LRRC9: variants seen among roughly 807,000 people sequenced by gnomAD.
LRRC9 encodes leucine rich repeat containing 9.
In LRRC9, 122 loss-of-function variants were observed where a neutral mutation model predicts 63.2. The observed-to-expected ratio is 1.93, with a 90% CI of 1.67 to 2.24. The LOEUF (loss-of-function observed/expected upper bound fraction) is 2.24, where lower values mean the gene tolerates loss of function less well. Ranked by LOEUF, LRRC9 falls within the 30% of genes most tolerant of loss-of-function variation. The pLI is 0.00. For synonymous variants in LRRC9, 366 were observed against 213.1 expected (o/e 1.72, Z -6.25); for missense variants, 1,071 against 627.7 (o/e 1.71, Z -7.55).
chr14:60,028,451 A>C (rs1283137914), intron 28 of LRRC9, among the ~76,000 whole-genome samples: 2 of 151,894 alleles, frequency 1.3e-5, no homozygotes, highest in Non-Finnish European at 2.9e-5. Context: ...GGCCCCTTAA[A>C]CTTGTCATAT....
rs1403745126 is a variant in LRRC9, at chr14:59,958,973, G to C, written c.883-845G>C. Among the ~76,000 whole-genome samples, 1 of 152,192 alleles carries C rather than the reference G, an allele frequency of 6.6e-6. No individual in the cohort carries two copies. The highest frequency in any genetic ancestry group is 2.4e-5 in the African/African-American group (1 of 41,438). The stretch of plus-strand genomic sequence containing the variant: ...AACCAGTCTCACTGAGATGAACAGG[G>C]TACCTCAGTTGGAAATGCAGTAATC... On this transcript the variant is annotated intron_variant, in intron 8 of 31. Transcript: ENST00000445360. This position sits in a 1 kb window ranked among gnomAD's most constrained non-coding sequence, Gnocchi z 4.0.
Position 60,003,866 on chromosome 14 carries a change from C to G in LRRC9, c.2842+68C>G, listed in dbSNP as rs905560437. The G allele has an allele frequency of 1.3e-5, 7 of 532,400 alleles. No individual in the cohort carries two copies. In the African/African-American group the frequency reaches 1.4e-4, roughly 10 times the overall value. The allele number at this position is 532,400 out of a possible 1,614,324, so 33.0% of individuals were successfully genotyped here. ...CTAAACAACAAAGCAAAAAATAACC[C>G]TGGGAACAGAGTTTCTGAAGAGGAA... On this transcript the variant is annotated intron_variant, in intron 21 of 31. Transcript: ENST00000445360. The surrounding 1 kb of genome is among the most constrained non-coding windows in gnomAD (Gnocchi z 4.2).
At position 59,962,124 on chromosome 14, in the gene LRRC9, A is replaced by G. The variant is rs1884411257; in HGVS notation, c.1211+1079A>G. Among the ~76,000 whole-genome samples, 1 of 152,174 alleles carries G rather than the reference A, an allele frequency of 6.6e-6. No homozygotes were observed. Among genetic ancestry groups the G allele is most frequent in the Non-Finnish European group, 1.5e-5 (1 of 68,016 alleles). On this transcript the variant is annotated intron_variant, in intron 10 of 31. Coordinates refer to ENST00000445360, the Ensembl canonical transcript of LRRC9. This position sits in a 1 kb window ranked among gnomAD's most constrained non-coding sequence, Gnocchi z 5.1. Reference sequence around the variant, plus strand: ...GGCTTTTTTCTCACCTCTGTGAGTAAAAGCTTCTCAAAGGTCTTGGGAGAA... The same window carrying G: ...GGCTTTTTTCTCACCTCTGTGAGTAGAAGCTTCTCAAAGGTCTTGGGAGAA...
chr14:59,965,984 T>G (rs1884820496), intron 10 of LRRC9, among the ~76,000 whole-genome samples: 2 of 139,444 alleles, frequency 1.4e-5, no homozygotes, highest in Non-Finnish European at 3.0e-5. Flanking sequence ...ATCAGTTAAA[T>G]GGTGGTGCCA....
chr14:59,924,970 A>G (rs894429745), intron 1 of LRRC9, among the ~76,000 whole-genome samples: 5 of 147,790 alleles, frequency 3.4e-5, no homozygotes, highest in African/African-American at 1.3e-4. Flanking sequence ...CATGGCTCAC[A>G]CTCACACTCC....
chr14:60,045,198 T>C (rs1893311533), intron 29 of LRRC9, among the ~76,000 whole-genome samples: 1 of 152,120 alleles, frequency 6.6e-6, no homozygotes, highest in Admixed American at 6.6e-5. Flanking sequence ...ATGTGTATCT[T>C]TATAGGTGAA....
chr14:60,024,506 G>A (rs1051644740), intron 27 of LRRC9, among the ~76,000 whole-genome samples: 1 of 152,002 alleles, frequency 6.6e-6, no homozygotes, highest in East Asian at 1.9e-4. Flanking sequence ...CATGTGGGGA[G>A]ACATCGAGGT....
rs921849942 is a variant in LRRC9, at chr14:59,938,886, T to C, written c.726+314T>C. Among the ~76,000 whole-genome samples, 4 of 132,762 alleles carry C rather than the reference T, an allele frequency of 3.0e-5. No homozygotes were observed. Among genetic ancestry groups the C allele is most frequent in the Admixed American group, 7.8e-5 (1 of 12,794 alleles). The allele number at this position is 132,762 out of a possible 152,430, so 87.1% of individuals were successfully genotyped here. On this transcript the variant is annotated intron_variant, in intron 7 of 31. Coordinates refer to ENST00000445360, the Ensembl canonical transcript of LRRC9. The surrounding 1 kb of genome is among the most constrained non-coding windows in gnomAD (Gnocchi z 4.2). ...CTAGTGCCATATATATATACACACA[T>C]ATATACACATATATATACATATATA... is the stretch of plus-strand genomic sequence containing the variant.
exon 28 of LRRC9, chr14:60,028,066 C>T (rs984264090): frequency 1.4e-6 from 1 of 701,392 alleles, no homozygotes; most frequent in South Asian, 1.5e-5. Context: ...TTTGGTAAAA[C>T]TAGAGAAACT....
Position 60,042,125 on chromosome 14 carries a change from G to A in LRRC9, c.3990+10062G>A, listed in dbSNP as rs1334171293. On this transcript the variant is annotated intron_variant, in intron 29 of 31. Transcript: ENST00000445360. The surrounding 1 kb of genome is among the most constrained non-coding windows in gnomAD (Gnocchi z 4.2). Reference sequence around the variant, plus strand: ...TTCCTCTGGAACCTTCGTCTCAGAGGGGCACCCAGCTGTATGAGGTGTCAG... The same window carrying A: ...TTCCTCTGGAACCTTCGTCTCAGAGAGGCACCCAGCTGTATGAGGTGTCAG... 6.6e-6 allele frequency among the ~76,000 whole-genome samples: 1 copy of A among 152,144 alleles called. No homozygotes were observed. Among genetic ancestry groups the A allele is most frequent in the Non-Finnish European group, 1.5e-5 (1 of 68,022 alleles).
chr14:59,977,037 C>T (rs2140073323), intron 13 of LRRC9, among the ~76,000 whole-genome samples, 188 bp from the exon 14 acceptor site: 1 of 152,248 alleles, frequency 6.6e-6, no homozygotes, highest in East Asian at 1.9e-4. Context: ...ATGTATTCAA[C>T]AAATATTTGT....
Position 60,033,713 on chromosome 14 carries a change from T to A in LRRC9, c.3990+1650T>A, listed in dbSNP as rs74497038. ...GGAAATAAGTAAAATTATCCTATAA[T>A]TTTATCTTCTTTTAGTATTCTTTTC... is the stretch of plus-strand genomic sequence containing the variant. On this transcript the variant is annotated intron_variant, in intron 29 of 31. Transcript: ENST00000445360. 3.4e-3 allele frequency among the ~76,000 whole-genome samples: 516 copies of A among 152,196 alleles called. 18 individuals are homozygous for A. In the East Asian group the frequency reaches 0.058, roughly 17 times the overall value.
chr14:60,051,668 C>T lies in LRRC9; in HGVS notation c.3991-1397C>T. On this transcript the variant is annotated intron_variant, in intron 29 of 31. Coordinates refer to ENST00000445360, the Ensembl canonical transcript of LRRC9. The surrounding 1 kb of genome is among the most constrained non-coding windows in gnomAD (Gnocchi z 4.7). ...CACTGCTTGGCTCCCTGGATTCAAC[C>T]CCCTTCCTAGGGGAATGTACAGACA... 6.6e-6 allele frequency among the ~76,000 whole-genome samples: 1 copy of T among 152,162 alleles called. No individual in the cohort carries two copies.
chr14:60,001,639 C>T (rs1404392811), intron 19 of LRRC9, among the ~76,000 whole-genome samples: 2 of 152,106 alleles, frequency 1.3e-5, no homozygotes, highest in Non-Finnish European at 2.9e-5. Flanking sequence ...GGCTTAGGAT[C>T]GGGCCCACAG....
At chr14:60,049,755 G>A (rs1285206104) in intron 29 of LRRC9, among the ~76,000 whole-genome samples, 1 of 152,100 alleles carries the variant, frequency 6.6e-6, no homozygotes, top group East Asian at 1.9e-4. Context: ...TTTTTATGGA[G>A]TATCTTACTG....
exon 12 of LRRC9, chr14:59,967,141 T>G (rs1476713487): frequency 4.6e-6 from 3 of 645,518 alleles, no homozygotes; most frequent in Non-Finnish European, 8.7e-6. Flanking sequence ...TTTTTGATCC[T>G]GAAGTTTCAG....
rs1268357991 is a variant in LRRC9 at position 60,051,973 on chromosome 14, T to G, written c.3991-1092T>G. Among the ~76,000 whole-genome samples the G allele has an allele frequency of 6.6e-6, 1 of 152,220 alleles. No homozygotes were observed. The highest frequency in any genetic ancestry group is 1.5e-5 in the Non-Finnish European group (1 of 68,028). ...TCCCATGTGGGCTGTCACCCCACCC[T>G]GCTTTTCTTTGTTCCCCATGGATCC... is the stretch of plus-strand genomic sequence containing the variant. On this transcript the variant is annotated intron_variant, in intron 29 of 31. Transcript: ENST00000445360. This position sits in a 1 kb window ranked among gnomAD's most constrained non-coding sequence, Gnocchi z 4.7.
At chr14:59,977,568 TTGTGTG>T (rs150262478) in intron 14 of LRRC9, among the ~76,000 whole-genome samples, 180 of 144,604 alleles carry the variant, frequency 1.2e-3, no homozygotes, top group African/African-American at 3.0e-3. Context: ...AATTATGTAT[TTGTGTG>T]TGTGTGTGTG....
At chr14:60,008,132 T>C in exon 23 of LRRC9, 1 of 701,810 alleles carries the variant, frequency 1.4e-6, no homozygotes, top group East Asian at 2.7e-5. Flanking sequence ...TGTGGGAACA[T>C]CATTATATGG....
Sources: gnomAD v4.1 joint callset for allele counts (sites outside exome capture counted in the v4.1 genomes callset) on GRCh38, gnomAD v4.1.1 for gene constraint, Gnocchi (gnomAD v3.1) non-coding constraint, MANE v1.5 for transcripts, NCBI Gene and HGNC (gene_info 2026-07-23, HGNC 2026-07-21) for gene names.